Variants in PPIL4 observed in about 807,000 individuals in gnomAD.
The protein encoded by PPIL4 is peptidylprolyl isomerase like 4, also known as peptidyl-prolyl cis-trans isomerase-like 4.
A neutral mutation model predicts 69.1 loss-of-function variants in PPIL4; 50 were observed. The observed-to-expected ratio is 0.72, with a 90% CI of 0.58 to 0.92. The LOEUF (loss-of-function observed/expected upper bound fraction) is 0.92, where lower values mean the gene tolerates loss of function less well. PPIL4 is among the 40% of genes least tolerant of loss of function. The pLI is 0.00. For missense variants in PPIL4, 480 were observed against 587.9 expected (o/e 0.82, Z 1.90); for synonymous variants, 193 against 191.6 (o/e 1.01, Z -0.06).
At chr6:149,539,998 T>C (rs1777336407) in intron 4 of PPIL4, among the ~76,000 whole-genome samples, 1 of 151,978 alleles carries the variant, frequency 6.6e-6, no homozygotes, top group African/African-American at 2.4e-5. Context: ...AGCGTGGTGG[T>C]GGGCATCTGT....
intron 12 of PPIL4, among the ~76,000 whole-genome samples, chr6:149,508,692 C>G (rs572880420): frequency 6.6e-6 from 1 of 152,106 alleles, no homozygotes; most frequent in Admixed American, 6.5e-5. Context: ...TACTTCTCAG[C>G]AAGGCAACCC....
intron 4 of PPIL4, among the ~76,000 whole-genome samples, chr6:149,539,628 C>T (rs1777330330): frequency 6.6e-6 from 1 of 152,162 alleles, no homozygotes; most frequent in Non-Finnish European, 1.5e-5. Context: ...CATCTGCCTG[C>T]CTTGCCCCCG....
At chr6:149,523,206 T>C (rs960037413) in intron 9 of PPIL4, among the ~76,000 whole-genome samples, 1 of 152,034 alleles carries the variant, frequency 6.6e-6, no homozygotes, top group African/African-American at 2.4e-5. Context: ...GTGGTCCCAG[T>C]TATGCAGGAG....
At chr6:149,541,654 C>A in intron 1 of PPIL4, 68 bp from the exon 2 acceptor site, 2 of 874,382 alleles carry the variant, frequency 2.3e-6, no homozygotes, top group South Asian at 1.5e-5. Context: ...AGTAAAGCCA[C>A]AGTAAAATGT....
chr6:149,538,958 T>C (rs1398633369), intron 4 of PPIL4, among the ~76,000 whole-genome samples: 1 of 151,938 alleles, frequency 6.6e-6, no homozygotes, highest in African/African-American at 2.4e-5. Flanking sequence ...GCAATTCTCC[T>C]GTCTCAGCCT....
intron 4 of PPIL4, among the ~76,000 whole-genome samples, chr6:149,538,747 G>C (rs1777317107): frequency 6.6e-6 from 1 of 152,192 alleles, no homozygotes; most frequent in Admixed American, 6.5e-5. Context: ...ACGAGAATTA[G>C]AAGTAGAGCC....
intron 4 of PPIL4, among the ~76,000 whole-genome samples, 175 bp downstream of exon 4, chr6:149,540,767 C>T (rs560740355): frequency 2.0e-5 from 3 of 152,284 alleles, no homozygotes; most frequent in East Asian, 3.9e-4. Context: ...GAATGCTTTA[C>T]ATTTAAAAGA....
Position 149,540,948 on chromosome 6 carries a change from T to C in PPIL4, c.315A>G (p.Gly105=). 1.9e-6 allele frequency: 3 copies of C among 1,575,478 alleles called. No homozygotes were observed. The highest frequency in any genetic ancestry group is 1.7e-6 in the Non-Finnish European group (2 of 1,146,032). ...SMVNNGSDQH[G]SQFLITTGEN... ...TTCTTACTCATTTCCTAACCTGAGA[T>C]CCATGTTGATCACTGCCATTATTCA... Residue 105 remains glycine, a synonymous_variant, in exon 4 of 13, where the codon GGA becomes GGG. Coordinates refer to ENST00000253329, the MANE Select transcript of PPIL4 (RefSeq NM_139126.4).
chr6:149,531,811 A>T (rs1444085173), intron 7 of PPIL4, among the ~76,000 whole-genome samples: 1 of 152,050 alleles, frequency 6.6e-6, no homozygotes, highest in Non-Finnish European at 1.5e-5. Context: ...CTAGGATTAC[A>T]GCCGCATGCC....
intron 1 of PPIL4, among the ~76,000 whole-genome samples, chr6:149,542,553 A>G (rs149632821): frequency 0.013 from 1,961 of 152,340 alleles, 17 homozygotes; most frequent in Middle Eastern, 0.041. Context: ...CCTGCCCTCA[A>G]AAAGCTTACA....
chr6:149,533,665 AC>A lies in PPIL4; in HGVS notation c.562-92del, dbSNP rs1362169045. 1.3e-5 allele frequency: 9 copies of A among 689,764 alleles called. No homozygotes were observed. The Admixed American group carries it at 2.6e-4, about 20-fold the overall frequency. The allele number at this position is 689,764 out of a possible 1,614,324, so 42.7% of individuals were successfully genotyped here. ...CATACTTTATTCTTAGTTATATCAA[AC>A]ATGCTAAAACAGTAACTGATCAAGG... is the stretch of plus-strand genomic sequence containing the variant. On this transcript the variant is annotated intron_variant, in intron 6 of 12. Coordinates refer to ENST00000253329, the MANE Select transcript of PPIL4 (RefSeq NM_139126.4).
At chr6:149,514,930 G>A (rs1221917961) in intron 11 of PPIL4, among the ~76,000 whole-genome samples, 4 of 151,580 alleles carry the variant, frequency 2.6e-5, no homozygotes, top group Non-Finnish European at 5.9e-5. Context: ...TCTGCCTCCT[G>A]GGTTCAAGCA....
intron 11 of PPIL4, among the ~76,000 whole-genome samples, chr6:149,513,184 G>C (rs1384920335): frequency 6.8e-6 from 1 of 147,292 alleles, no homozygotes; most frequent in African/African-American, 2.5e-5. Context: ...CCAGGAGTTC[G>C]AGACCAGCCT....
chr6:149,530,475 A>T (rs1777179145), intron 7 of PPIL4, among the ~76,000 whole-genome samples: 1 of 152,032 alleles, frequency 6.6e-6, no homozygotes, highest in Admixed American at 6.6e-5. Context: ...CCTGACCAAC[A>T]TGGTGAAACC....
At position 149,535,731 on chromosome 6, in the gene PPIL4, A is replaced by T. The variant is rs752890654; in HGVS notation, c.329T>A (p.Ile110Asn). 69 of 1,594,472 alleles carry T rather than the reference A, an allele frequency of 4.3e-5. No individual in the cohort carries two copies. The highest frequency in any genetic ancestry group is 5.9e-5 in the Non-Finnish European group (69 of 1,167,996). ...ATAATCTAGATTTTCTCCTGTGGTG[A>T]TAAGAAACTATAAAGAAGGACACAT... ...GSDQHGSQFL[I>N]TTGENLDYLD... The change falls in exon 5 of 13, where the codon ATC becomes AAC. Residue 110 changes from isoleucine (I) to asparagine (N), a missense_variant. Coordinates refer to ENST00000253329, the MANE Select transcript of PPIL4 (RefSeq NM_139126.4).
chr6:149,538,335 ATTTCAAC>A (rs1437021238), intron 4 of PPIL4, among the ~76,000 whole-genome samples: 1 of 152,014 alleles, frequency 6.6e-6, no homozygotes, highest in Non-Finnish European at 1.5e-5. Flanking sequence ...TCGAAGAGTA[ATTTCAAC>A]TTTCAAGTAT....
intron 4 of PPIL4, among the ~76,000 whole-genome samples, chr6:149,538,110 C>CA (rs1257935063): frequency 1.3e-5 from 2 of 152,000 alleles, no homozygotes; most frequent in South Asian, 2.1e-4. Flanking sequence ...ACTATAAATA[C>CA]AAAAAATCAG....
chr6:149,524,076 A>AAGTT, intron 9 of PPIL4, among the ~76,000 whole-genome samples: 1 of 152,352 alleles, frequency 6.6e-6, no homozygotes, highest in South Asian at 2.1e-4. Context: ...AGAATGAGCT[A>AAGTT]CTACTGGATA....
At position 149,517,450 on chromosome 6, in the gene PPIL4, C is replaced by T. The variant is rs1776965013; in HGVS notation, c.983G>A (p.Gly328Asp). 3.3e-6 allele frequency: 5 copies of T among 1,493,266 alleles called. No homozygotes were observed. Among genetic ancestry groups the T allele is most frequent in the Non-Finnish European group, 4.5e-6 (5 of 1,103,442 alleles). The allele number at this position is 1,493,266 out of a possible 1,614,324, so 92.5% of individuals were successfully genotyped here. ...SVAKVKWKGK[G>D]GKYTKSDFKE... ...GAAATCACTCTTGGTGTATTTCCCA[C>T]CTATTTATTAAGAAAAGAAAAAAAG... The change falls in exon 11 of 13, where the codon GGT becomes GAT. Residue 328 changes from glycine to aspartate, a missense_variant and splice_region_variant. By Grantham distance (94) the Gly-to-Asp change is moderately conservative. Coordinates refer to ENST00000253329, the MANE Select transcript of PPIL4 (RefSeq NM_139126.4).
Sources: allele counts gnomAD v4.1 joint callset (sites outside exome capture counted in the v4.1 genomes callset), GRCh38; gene constraint gnomAD v4.1.1; transcripts MANE v1.5; gene names NCBI Gene and HGNC (gene_info 2026-07-23, HGNC 2026-07-21).